GLRA3: variants seen among roughly 807,000 people sequenced by gnomAD.
GLRA3 encodes the protein glycine receptor subunit alpha-3.
Under a neutral mutation model 60.4 loss-of-function variants are expected in GLRA3, and 44 were observed. That is an observed-to-expected ratio of 0.73 (90% confidence interval 0.57 to 0.94). The LOEUF (loss-of-function observed/expected upper bound fraction) is 0.94, where lower values mean the gene tolerates loss of function less well. GLRA3 is among the 40% of genes least tolerant of loss of function. The pLI, the probability that GLRA3 is intolerant of heterozygous loss-of-function variation, is 0.00. For synonymous variants in GLRA3, 223 were observed against 192.9 expected (o/e 1.16, Z -1.29); for missense variants, 508 against 564.6 (o/e 0.90, Z 1.02).
chr4:174,751,563 A>T (rs1737485246), intron 3 of GLRA3, among the ~76,000 whole-genome samples: 1 of 152,108 alleles, frequency 6.6e-6, no homozygotes, highest in African/African-American at 2.4e-5. Context: ...GTTTATAAGT[A>T]TTACTAATTT....
At chr4:174,770,089 T>C (rs1210539604) in intron 2 of GLRA3, among the ~76,000 whole-genome samples, 1 of 152,162 alleles carries the variant, frequency 6.6e-6, no homozygotes, top group Admixed American at 6.6e-5. Flanking sequence ...TGATTACTGG[T>C]TCATGATTTT....
chr4:174,820,623 C>T (rs570109418), intron 1 of GLRA3, among the ~76,000 whole-genome samples: 3 of 152,268 alleles, frequency 2.0e-5, no homozygotes, highest in East Asian at 3.9e-4. Context: ...ATGAGTTAAA[C>T]AGGAATTAGC....
chr4:174,769,486 A>C (rs937739769), intron 2 of GLRA3, among the ~76,000 whole-genome samples: 4 of 152,074 alleles, frequency 2.6e-5, no homozygotes, highest in African/African-American at 7.2e-5. Context: ...TGAATCGTTA[A>C]CTTATCCACA....
At chr4:174,811,556 A>G (rs906495223) in intron 1 of GLRA3, among the ~76,000 whole-genome samples, 1 of 152,182 alleles carries the variant, frequency 6.6e-6, no homozygotes, top group Admixed American at 6.5e-5. Context: ...CTTATAGGCC[A>G]TAGGTTATAT....
chr4:174,726,272 C>T (rs933265327), intron 4 of GLRA3, among the ~76,000 whole-genome samples: 6 of 152,182 alleles, frequency 3.9e-5, no homozygotes, highest in Non-Finnish European at 8.8e-5. Context: ...GTATGAAGCT[C>T]ACTATAGGAT....
chr4:174,703,671 T>A (rs1162866651), intron 5 of GLRA3, among the ~76,000 whole-genome samples: 3 of 152,220 alleles, frequency 2.0e-5, no homozygotes, highest in Non-Finnish European at 4.4e-5. Flanking sequence ...ATTTATGGAA[T>A]CCTAGAGTTG....
chr4:174,684,865 C>T lies in GLRA3; in HGVS notation c.575-1926G>A, dbSNP rs186808204. 4.7e-3 allele frequency among the ~76,000 whole-genome samples: 710 copies of T among 152,174 alleles called. 2 individuals carry two copies. Among genetic ancestry groups the T allele is most frequent in the Non-Finnish European group, 7.6e-3 (518 of 67,996 alleles). On this transcript the variant is annotated intron_variant, in intron 5 of 9. Coordinates refer to ENST00000274093, the MANE Select transcript of GLRA3 (RefSeq NM_006529.4). The stretch of plus-strand genomic sequence containing the variant: ...TCTACTAAAAAACACAAAAATTAGC[C>T]GGGCGTGGTGGTGGGCACCTCTAAT...
intron 4 of GLRA3, among the ~76,000 whole-genome samples, chr4:174,722,111 G>A (rs1042069484): frequency 3.9e-5 from 6 of 152,018 alleles, no homozygotes; most frequent in Non-Finnish European, 7.4e-5. Flanking sequence ...CTACTGCTCA[G>A]TGGAAGAAGT....
At chr4:174,794,695 G>A (rs1739490608) in intron 1 of GLRA3, among the ~76,000 whole-genome samples, 1 of 152,060 alleles carries the variant, frequency 6.6e-6, no homozygotes, top group Non-Finnish European at 1.5e-5. Context: ...AATATTTTAA[G>A]TCTTATCTCA....
chr4:174,676,964 C>T (rs1175912515), intron 7 of GLRA3, 114 bp downstream of exon 7: 2 of 645,162 alleles, frequency 3.1e-6, no homozygotes, highest in East Asian at 2.7e-5. Context: ...CTTTAAAAAC[C>T]AGTAATGCCA....
At chr4:174,715,062 A>G (rs1262769379) in intron 5 of GLRA3, among the ~76,000 whole-genome samples, 2 of 152,216 alleles carry the variant, frequency 1.3e-5, no homozygotes, top group Non-Finnish European at 2.9e-5. Context: ...TTGGAGCCGA[A>G]TACTCAACCA....
intron 5 of GLRA3, among the ~76,000 whole-genome samples, chr4:174,694,124 C>T (rs1316293588): frequency 6.6e-6 from 1 of 152,042 alleles, no homozygotes; most frequent in Non-Finnish European, 1.5e-5. Context: ...AACAGACTCC[C>T]ACACAATAAT....
chr4:174,667,447 G>A (rs932012300), intron 7 of GLRA3, among the ~76,000 whole-genome samples: 9 of 152,138 alleles, frequency 5.9e-5, no homozygotes, highest in Non-Finnish European at 1.3e-4. Context: ...AAAACTCACT[G>A]CTTTATGGAA....
chr4:174,732,452 C>T (rs1736590598), intron 3 of GLRA3, among the ~76,000 whole-genome samples: 1 of 150,348 alleles, frequency 6.7e-6, no homozygotes, highest in African/African-American at 2.4e-5. Context: ...AAATACAAAA[C>T]TTAAATCCTT....
chr4:174,701,173 T>C (rs1275247068), intron 5 of GLRA3, among the ~76,000 whole-genome samples: 2 of 152,188 alleles, frequency 1.3e-5, no homozygotes, highest in East Asian at 1.9e-4. Context: ...ACTCTCTTCC[T>C]AGGGGCTAAT....
At chr4:174,646,518 G>A (rs1362152776) in intron 9 of GLRA3, among the ~76,000 whole-genome samples, 1 of 152,188 alleles carries the variant, frequency 6.6e-6, no homozygotes, top group Non-Finnish European at 1.5e-5. Context: ...CCTGCACTGG[G>A]GGAGCTGTGT....
chr4:174,728,947 A>G lies in GLRA3; in HGVS notation c.268-249T>C, dbSNP rs559762903. ...CTCTAAAAAATAAAGTCTTATAAAA[A>G]AGAGTTTTGGATCTTATATACTGTT... is the stretch of plus-strand genomic sequence containing the variant. On this transcript the variant is annotated intron_variant, in intron 3 of 9. Transcript: ENST00000274093. Among the ~76,000 whole-genome samples, 3 of 152,284 alleles carry G rather than the reference A, an allele frequency of 2.0e-5. No homozygotes were observed. The East Asian group carries it at 5.8e-4, about 29-fold the overall frequency.
intron 4 of GLRA3, among the ~76,000 whole-genome samples, chr4:174,718,875 G>C (rs1051048013): frequency 6.6e-6 from 1 of 151,106 alleles, no homozygotes; most frequent in African/African-American, 2.4e-5. Flanking sequence ...GAAACTTAGA[G>C]GTTAAGTAAC....
chr4:174,751,725 T>TA (rs1359416392), intron 3 of GLRA3, among the ~76,000 whole-genome samples: 1 of 152,036 alleles, frequency 6.6e-6, no homozygotes, highest in Non-Finnish European at 1.5e-5. Context: ...AGTATCCTTA[T>TA]AAATATACAC....
Sources: gnomAD v4.1 joint callset for allele counts (sites outside exome capture counted in the v4.1 genomes callset) on GRCh38, gnomAD v4.1.1 for gene constraint, MANE v1.5 for transcripts, NCBI Gene and HGNC (gene_info 2026-07-23, HGNC 2026-07-21) for gene names.